Variants in KCNH1 observed in about 807,000 individuals in gnomAD.
KCNH1 encodes voltage-gated delayed rectifier potassium channel KCNH1.
In KCNH1, 27 loss-of-function variants were observed where a neutral mutation model predicts 69.2. The observed-to-expected ratio is 0.39, with a 90% CI of 0.29 to 0.54. KCNH1 has a LOEUF of 0.54. Among genes scored for constraint, KCNH1 ranks in the 20% least tolerant of loss-of-function variants. The pLI, the probability that KCNH1 is intolerant of heterozygous loss-of-function variation, is 0.68. For synonymous variants in KCNH1, 456 were observed against 487.7 expected, an observed-to-expected ratio of 0.93 and a Z score of 0.86; for missense variants, 798 against 1,261.6, an observed-to-expected ratio of 0.63 and a Z score of 5.57.
At chr1:211,048,607 C>T (rs1690135551) in intron 5 of KCNH1, among the ~76,000 whole-genome samples, 1 of 152,150 alleles carries the variant, frequency 6.6e-6, no homozygotes, top group Middle Eastern at 3.2e-3. Flanking sequence ...GAAAACCAAA[C>T]ATCGTATGTT....
At chr1:211,018,601 G>T (rs1340374441) in intron 6 of KCNH1, among the ~76,000 whole-genome samples, 182 bp downstream of exon 6, 1 of 152,172 alleles carries the variant, frequency 6.6e-6, no homozygotes, top group African/African-American at 2.4e-5. Context: ...TCACTGTCAT[G>T]CAGGGCCTCC....
At chr1:211,128,506 A>G (rs1691823359) in intron 1 of KCNH1, among the ~76,000 whole-genome samples, 1 of 152,156 alleles carries the variant, frequency 6.6e-6, no homozygotes, top group South Asian at 2.1e-4. Context: ...AGTGATCACC[A>G]TAAAATCAGG....
intron 6 of KCNH1, among the ~76,000 whole-genome samples, chr1:210,935,474 G>A (rs1687760999): frequency 6.6e-6 from 1 of 152,116 alleles, no homozygotes; most frequent in Non-Finnish European, 1.5e-5. Context: ...CAATTAATAA[G>A]TTGTTATATG....
intron 10 of KCNH1, among the ~76,000 whole-genome samples, chr1:210,695,445 C>T (rs1200601182): frequency 6.6e-6 from 1 of 152,226 alleles, no homozygotes; most frequent in African/African-American, 2.4e-5. Context: ...CTCTCATTAA[C>T]ACCTAGTATA....
intron 10 of KCNH1, among the ~76,000 whole-genome samples, chr1:210,761,156 G>T (rs1290935156): frequency 1.4e-5 from 2 of 145,988 alleles, no homozygotes; most frequent in Non-Finnish European, 3.0e-5. Context: ...GGAGGCTGAG[G>T]CAGGAGAATG....
intron 10 of KCNH1, among the ~76,000 whole-genome samples, chr1:210,744,939 A>G (rs919977129): frequency 2.0e-5 from 3 of 152,090 alleles, no homozygotes; most frequent in Admixed American, 1.3e-4. Context: ...ATGGTGGCTC[A>G]CTCCTGTAAT....
chr1:210,998,956 T>G (rs1435920102), intron 6 of KCNH1, among the ~76,000 whole-genome samples: 45 of 152,192 alleles, frequency 3.0e-4, no homozygotes, highest in Admixed American at 2.9e-3. Context: ...AGATGTTCTT[T>G]GAAACCGATG....
intron 7 of KCNH1, among the ~76,000 whole-genome samples, chr1:210,868,028 AG>A (rs1486755932): frequency 6.6e-6 from 1 of 152,048 alleles, no homozygotes; most frequent in African/African-American, 2.4e-5. Flanking sequence ...AATGAACAGA[AG>A]TGGAAACACT....
chr1:211,019,019 C>T lies in KCNH1; in HGVS notation c.796G>A (p.Val266Met), dbSNP rs1014560149. ...ACAAAGGTGGTATGAAAATTGAGCACAATGTCCACCAAAAAGATAACATCC... is the reference window on the plus strand; with the variant it reads ...ACAAAGGTGGTATGAAAATTGAGCATAATGTCCACCAAAAAGATAACATCC... Reference protein sequence around the residue: ...IVDVIFLVDIVLNFHTTFVGP... With the variant: ...IVDVIFLVDIMLNFHTTFVGP... Residue 266 changes from valine to methionine, a missense_variant, in exon 6 of 11, where the codon GTG becomes ATG. This residue lies in a region of KCNH1 where 266 missense variants were observed against 457.2 expected (regional missense o/e 0.58). Coordinates refer to ENST00000271751, the MANE Select transcript of KCNH1 (RefSeq NM_172362.3). 16 of 1,613,930 alleles carry T rather than the reference C, an allele frequency of 9.9e-6. No homozygotes were observed. Among genetic ancestry groups the T allele is most frequent in the East Asian group, 2.2e-5 (1 of 44,886 alleles).
chr1:210,851,236 T>C (rs1490331701), intron 7 of KCNH1, among the ~76,000 whole-genome samples: 2 of 152,270 alleles, frequency 1.3e-5, no homozygotes, highest in Non-Finnish European at 2.9e-5. Context: ...GAACATGTTG[T>C]TGTCTCCCTC....
intron 10 of KCNH1, among the ~76,000 whole-genome samples, chr1:210,701,284 G>A (rs1253570066): frequency 6.6e-6 from 1 of 152,054 alleles, no homozygotes; most frequent in African/African-American, 2.4e-5. Flanking sequence ...TTTTGCCCAG[G>A]TTGGTCTTGA....
chr1:211,125,367 C>CTCATTTTT (rs1691759673), intron 1 of KCNH1, among the ~76,000 whole-genome samples: 1 of 152,194 alleles, frequency 6.6e-6, no homozygotes, highest in Non-Finnish European at 1.5e-5. Context: ...AGGCTTAAAG[C>CTCATTTTT]ACAGCCTTAA....
At chr1:211,111,993 C>T (rs552865830) in intron 1 of KCNH1, among the ~76,000 whole-genome samples, 78 of 147,124 alleles carry the variant, frequency 5.3e-4, no homozygotes, top group African/African-American at 1.9e-3. Context: ...AGCACCTCTG[C>T]TTGGCTGCCC....
intron 3 of KCNH1, among the ~76,000 whole-genome samples, chr1:211,099,618 C>T (rs903106854): frequency 1.3e-5 from 2 of 152,174 alleles, no homozygotes; most frequent in Non-Finnish European, 2.9e-5. Context: ...GGCTCTGACG[C>T]CCTCACTTTG....
intron 6 of KCNH1, among the ~76,000 whole-genome samples, chr1:210,964,817 A>ATAT (rs1688368098): frequency 6.6e-6 from 1 of 152,206 alleles, no homozygotes; most frequent in Non-Finnish European, 1.5e-5. Flanking sequence ...ATTTCAGGCC[A>ATAT]ATATCCCTGA....
rs533294354 is a variant in KCNH1 at position 210,921,774 on chromosome 1, G to A, written c.1033-1705C>T. 4.6e-5 allele frequency among the ~76,000 whole-genome samples: 7 copies of A among 152,260 alleles called. No homozygotes were observed. The South Asian group carries it at 8.3e-4, about 18-fold the overall frequency. On this transcript the variant is annotated intron_variant, in intron 6 of 10. Coordinates refer to ENST00000271751, the MANE Select transcript of KCNH1 (RefSeq NM_172362.3). ...GACAGTGAGGCCTCGCATTGAAGGT[G>A]GACCCATAGCATGAAAAGAGCCTGG...
chr1:210,718,605 T>C (rs1207456957), intron 10 of KCNH1, among the ~76,000 whole-genome samples: 2 of 125,350 alleles, frequency 1.6e-5, no homozygotes, highest in Non-Finnish European at 3.2e-5. Flanking sequence ...CTTATATAAA[T>C]AAAATTATAT....
At chr1:210,797,834 G>T in intron 8 of KCNH1, 74 bp from the exon 9 acceptor site, 5 of 1,530,364 alleles carry the variant, frequency 3.3e-6, no homozygotes, top group Non-Finnish European at 4.4e-6. Context: ...AGCACTCTAG[G>T]GGGAGGAGCA....
intron 6 of KCNH1, among the ~76,000 whole-genome samples, chr1:210,963,136 C>A (rs1174797040): frequency 6.6e-6 from 1 of 151,770 alleles, no homozygotes. Flanking sequence ...TGGTCAAATG[C>A]ATCAAATTTA....
Sources: gnomAD v4.1 joint callset for allele counts (sites outside exome capture counted in the v4.1 genomes callset) on GRCh38, gnomAD v4.1.1 for gene constraint, gnomAD v4.1.1 regional missense constraint, MANE v1.5 for transcripts, NCBI Gene and HGNC (gene_info 2026-07-23, HGNC 2026-07-21) for gene names.